Variants in FSTL1 observed in about 807,000 individuals in gnomAD.
FSTL1 encodes the protein follistatin like 1, also known as follistatin-related protein 1.
In FSTL1, 24 loss-of-function variants were observed where a neutral mutation model predicts 45.9. The ratio of observed to expected loss-of-function variants is 0.52; its 90% CI spans 0.38 to 0.74. FSTL1 has a LOEUF of 0.74. FSTL1 is among the 30% of genes least tolerant of loss of function. The probability of loss-of-function intolerance (pLI) is 0.00; values close to 1 mark genes in which losing one functional copy is unlikely to be tolerated. For synonymous variants in FSTL1, 120 were observed against 137.6 expected (o/e 0.87, Z 0.89); for missense variants, 340 against 381.8 (o/e 0.89, Z 0.91).
At position 120,397,022 on chromosome 3, in the gene FSTL1, G is replaced by A. The variant is rs140054761; in HGVS notation, c.883-26C>T. ...CTTTGAGATGCAAGAGAAAATAGGCGTCATGGAAATATTAAACAACTGTTG... is the reference window on the plus strand; with the variant it reads ...CTTTGAGATGCAAGAGAAAATAGGCATCATGGAAATATTAAACAACTGTTG... On this transcript the variant is annotated intron_variant, in intron 10 of 10. Coordinates refer to ENST00000295633, the MANE Select transcript of FSTL1 (RefSeq NM_007085.5). 331 of 1,576,458 alleles carry A rather than the reference G, an allele frequency of 2.1e-4. 2 individuals are homozygous for A. Among genetic ancestry groups the A allele is most frequent in the Non-Finnish European group, 1.8e-4 (201 of 1,145,986 alleles).
chr3:120,444,964 G>A (rs773587865), intron 2 of FSTL1, among the ~76,000 whole-genome samples: 4 of 149,658 alleles, frequency 2.7e-5, no homozygotes, highest in African/African-American at 5.1e-5. Flanking sequence ...GGTTGACTAT[G>A]TAGTCAATGT....
chr3:120,407,364 G>A (rs1936966780), intron 6 of FSTL1, among the ~76,000 whole-genome samples: 1 of 152,130 alleles, frequency 6.6e-6, no homozygotes, highest in African/African-American at 2.4e-5. Context: ...GGAGCCACAG[G>A]GATTGAGATC....
Position 120,413,845 on chromosome 3 carries a change from G to A in FSTL1, c.169-1862C>T, listed in dbSNP as rs567849852. ...CACGGTCTCCCTCTCATGTTGAGCC[G>A]AAGCTGGACTGTACTGCTGCCATCT... On this transcript the variant is annotated intron_variant, in intron 3 of 10. Coordinates refer to ENST00000295633, the MANE Select transcript of FSTL1 (RefSeq NM_007085.5). Among the ~76,000 whole-genome samples, 134 of 78,446 alleles carry A rather than the reference G, an allele frequency of 1.7e-3. 2 individuals are homozygous for A. Among genetic ancestry groups the A allele is most frequent in the Middle Eastern group, 0.014 (2 of 148 alleles). 51.5% of individuals were successfully genotyped at this position (78,446 alleles called of 152,430 possible). A position where few individuals can be genotyped will look rare whatever the true frequency, so the allele number is the denominator to read the frequency against.
At chr3:120,407,206 G>C (rs1200878782) in intron 6 of FSTL1, among the ~76,000 whole-genome samples, 4 of 152,212 alleles carry the variant, frequency 2.6e-5, no homozygotes, top group African/African-American at 9.7e-5. Context: ...ATCTGTTCTT[G>C]GGGCTTATCA....
chr3:120,398,112 C>A (rs1163185842), intron 10 of FSTL1, among the ~76,000 whole-genome samples: 4 of 152,084 alleles, frequency 2.6e-5, no homozygotes. Flanking sequence ...TGGAGGGTTA[C>A]TTCTAATGGG....
rs1490856616 is a variant in FSTL1, at chr3:120,395,429, T to C, written c.*1523A>G. ...TTAAATCTCCATTTTCTTCCCCCTG[T>C]TGAATCTGAAACTTTCTTTTATCCT... On this transcript the variant is annotated 3_prime_UTR_variant, in exon 11 of 11. Coordinates refer to ENST00000295633, the MANE Select transcript of FSTL1 (RefSeq NM_007085.5). The C allele has an allele frequency of 2.9e-6, 1 of 339,010 alleles. No individual in the cohort carries two copies. Among genetic ancestry groups the C allele is most frequent in the African/African-American group, 2.2e-5 (1 of 45,714 alleles). The allele number at this position is 339,010 out of a possible 1,614,324, so 21.0% of individuals were successfully genotyped here.
intron 3 of FSTL1, 70 bp from the exon 4 acceptor site, chr3:120,412,053 A>C: frequency 2.9e-5 from 19 of 646,978 alleles, no homozygotes; most frequent in Admixed American, 7.5e-5. Context: ...ACACACACAT[A>C]CATGCACACA....
intron 3 of FSTL1, among the ~76,000 whole-genome samples, chr3:120,413,358 T>C (rs1937109588): frequency 6.6e-6 from 1 of 152,152 alleles, no homozygotes; most frequent in Non-Finnish European, 1.5e-5. Context: ...GTGGGCACTG[T>C]CTTCACAGCA....
chr3:120,450,741 C>T lies in FSTL1; in HGVS notation c.6G>A (p.Trp2Ter), dbSNP rs1197002535. 1 of 1,579,516 alleles carries T rather than the reference C, an allele frequency of 6.3e-7. No homozygotes were observed. Among genetic ancestry groups the T allele is most frequent in the South Asian group, 1.1e-5 (1 of 88,014 alleles). The part of the protein sequence containing the change: M[W>*]KRWLALALAL... The stretch of plus-strand genomic sequence containing the variant: ...CGAGCGCGAGCGCGAGCCAGCGTTT[C>T]CACATCTGCGGAAGAGAGAAGAGAG... The change falls in exon 2 of 11, where the codon TGG becomes TGA. Residue 2 changes from tryptophan to a stop codon, truncating the protein, a stop_gained. Coordinates refer to ENST00000295633, the MANE Select transcript of FSTL1 (RefSeq NM_007085.5). LOFTEE classifies it high-confidence loss of function.
chr3:120,432,882 G>A (rs917102591), intron 2 of FSTL1, among the ~76,000 whole-genome samples: 5 of 152,188 alleles, frequency 3.3e-5, no homozygotes, highest in Admixed American at 1.3e-4. Flanking sequence ...GCGGTGGAAC[G>A]TTCCCCAGAA....
intron 2 of FSTL1, among the ~76,000 whole-genome samples, chr3:120,417,714 C>A (rs1029420322): frequency 6.6e-5 from 10 of 152,238 alleles, no homozygotes; most frequent in African/African-American, 2.4e-4. Flanking sequence ...TTTTTGCTGA[C>A]GAGTTGTTCC....
At position 120,396,628 on chromosome 3, in the gene FSTL1, T is replaced by G. The variant is rs1231713599; in HGVS notation, c.*324A>C. 2 of 275,494 alleles carry G rather than the reference T, an allele frequency of 7.3e-6. No individual in the cohort carries two copies. Among genetic ancestry groups the G allele is most frequent in the Non-Finnish European group, 1.4e-5 (2 of 145,926 alleles). 17.1% of individuals were successfully genotyped at this position (275,494 alleles called of 1,614,324 possible). On this transcript the variant is annotated 3_prime_UTR_variant, in exon 11 of 11. Coordinates refer to ENST00000295633, the MANE Select transcript of FSTL1 (RefSeq NM_007085.5). Reference sequence around the variant, plus strand: ...ATCGTGTGCACTCCCTGCAGCCTGCTGACAGATGCAGTAAACTCAAAAGAG... The same window carrying G: ...ATCGTGTGCACTCCCTGCAGCCTGCGGACAGATGCAGTAAACTCAAAAGAG...
At chr3:120,432,873 C>T (rs955990004) in intron 2 of FSTL1, among the ~76,000 whole-genome samples, 12 of 152,152 alleles carry the variant, frequency 7.9e-5, no homozygotes, top group Non-Finnish European at 1.2e-4. Context: ...ACTGTGTTAG[C>T]GGTGGAACGT....
At chr3:120,403,012 A>G in intron 8 of FSTL1, 94 bp from the exon 9 acceptor site, 2 of 857,714 alleles carry the variant, frequency 2.3e-6, no homozygotes, top group Non-Finnish European at 4.0e-6. Flanking sequence ...TTTTTCCCAG[A>G]CAAGACCTGC....
chr3:120,403,920 C>CAAAAAAAAAAAAAAAAAAAAAA (rs34145564), intron 7 of FSTL1, among the ~76,000 whole-genome samples: 16 of 52,122 alleles, frequency 3.1e-4, no homozygotes, highest in East Asian at 1.6e-3. Context: ...GACTCCGTCT[C>CAAAAAAAAAAAAAAAAAAAAAA]AAAAAAAAAA....
In FSTL1 at chr3:120,411,106, G is replaced by A. The variant is rs12638221; in HGVS notation, c.299-122C>T. On this transcript the variant is annotated intron_variant, in intron 4 of 10. Transcript: ENST00000295633. ...ATGTTTGTAACCTTTTCATCATTTTGTCTTGAATCCTTTCCCTTCCTTTCC... is the reference window on the plus strand; with the variant it reads ...ATGTTTGTAACCTTTTCATCATTTTATCTTGAATCCTTTCCCTTCCTTTCC... The A allele has an allele frequency of 3.5e-3, 2,334 of 675,866 alleles. 66 individuals are homozygous for A. The Admixed American group carries it at 0.036, about 10-fold the overall frequency. The allele number at this position is 675,866 out of a possible 1,614,324, so 41.9% of individuals were successfully genotyped here. A position where few individuals can be genotyped will look rare whatever the true frequency, so the allele number is the denominator to read the frequency against.
intron 2 of FSTL1, among the ~76,000 whole-genome samples, chr3:120,418,712 TCGTGGG>T (rs1937229234): frequency 6.6e-6 from 1 of 150,898 alleles, no homozygotes. Context: ...TACTTGCTGG[TCGTGGG>T]CCAGGTGCTC....
intron 2 of FSTL1, among the ~76,000 whole-genome samples, chr3:120,446,405 G>T (rs1350120764): frequency 6.6e-6 from 1 of 152,194 alleles, no homozygotes; most frequent in Non-Finnish European, 1.5e-5. Context: ...GAGACTTCTA[G>T]GGGAACTGTA....
chr3:120,405,455 T>C (rs537661064), intron 6 of FSTL1, among the ~76,000 whole-genome samples: 4 of 152,360 alleles, frequency 2.6e-5, no homozygotes, highest in African/African-American at 4.8e-5. Context: ...TTTGGAATTA[T>C]AGGATTCCAA....
Sources: allele counts gnomAD v4.1 joint callset (sites outside exome capture counted in the v4.1 genomes callset), GRCh38; gene constraint gnomAD v4.1.1; transcripts MANE v1.5; gene names NCBI Gene and HGNC (gene_info 2026-07-23, HGNC 2026-07-21).